CYB5R4: variants seen among roughly 807,000 people sequenced by gnomAD.
CYB5R4 encodes the protein cytochrome b5 reductase 4, also known as N-terminal cytochrome b5 and cytochrome b5 oxidoreductase domain-containing protein.
In CYB5R4, 55 loss-of-function variants were observed where a neutral mutation model predicts 70.2. That is an observed-to-expected ratio of 0.78 (90% CI 0.63 to 0.98). CYB5R4 has a LOEUF of 0.98. CYB5R4 is among the 50% of genes least tolerant of loss of function. The pLI is 0.00. For synonymous variants in CYB5R4, 197 were observed against 199.5 expected, an observed-to-expected ratio of 0.99 and a Z score of 0.11; for missense variants, 562 against 612.6, an observed-to-expected ratio of 0.92 and a Z score of 0.87.
intron 14 of CYB5R4, among the ~76,000 whole-genome samples, chr6:83,942,171 C>T (rs879191760): frequency 6.6e-6 from 1 of 152,132 alleles, no homozygotes; most frequent in South Asian, 2.1e-4. Flanking sequence ...TTAAACTGGT[C>T]GATTCCTGGG....
intron 2 of CYB5R4, among the ~76,000 whole-genome samples, chr6:83,883,444 C>T (rs191676348): frequency 6.6e-6 from 1 of 151,346 alleles, no homozygotes; most frequent in African/African-American, 2.4e-5. Flanking sequence ...CTGCTAAAAG[C>T]TAACAAGGAG....
chr6:83,915,529 C>T (rs757586870), intron 5 of CYB5R4, among the ~76,000 whole-genome samples: 1 of 152,192 alleles, frequency 6.6e-6, no homozygotes, highest in Non-Finnish European at 1.5e-5. Context: ...TACCGATAGA[C>T]TAGGCATTTT....
intron 2 of CYB5R4, among the ~76,000 whole-genome samples, chr6:83,871,045 C>T (rs1470922390): frequency 2.8e-5 from 4 of 141,166 alleles, no homozygotes; most frequent in African/African-American, 8.0e-5. Flanking sequence ...GGCACGATCT[C>T]GGCTCACTGC....
At chr6:83,944,937 T>TA (rs2099470333) in intron 14 of CYB5R4, among the ~76,000 whole-genome samples, 1 of 152,154 alleles carries the variant, frequency 6.6e-6, no homozygotes, top group South Asian at 2.1e-4. Flanking sequence ...AGCAAGTTCT[T>TA]AGAGACCTAC....
chr6:83,869,078 A>G (rs1476867533), intron 2 of CYB5R4, among the ~76,000 whole-genome samples: 3 of 152,214 alleles, frequency 2.0e-5, no homozygotes. Context: ...ATTTCTCCTT[A>G]TGCTGATTGT....
intron 3 of CYB5R4, among the ~76,000 whole-genome samples, chr6:83,908,512 A>C (rs1183590791): frequency 6.6e-6 from 1 of 152,182 alleles, no homozygotes; most frequent in African/African-American, 2.4e-5. Context: ...CAAGGGTCAA[A>C]ATTTAATTAA....
chr6:83,959,896 C>T lies in CYB5R4; in HGVS notation c.*18C>T. On this transcript the variant is annotated 3_prime_UTR_variant, in exon 16 of 16. Transcript: ENST00000369681. ...CAGCATAATGAAGAGCTGTCATTGT[C>T]CTTTATTCAACTAGTTTATCTAAAT... is the stretch of plus-strand genomic sequence containing the variant. The T allele has an allele frequency of 1.9e-6, 3 of 1,569,920 alleles. No homozygotes were observed. Among genetic ancestry groups the T allele is most frequent in the Non-Finnish European group, 2.6e-6 (3 of 1,159,074 alleles).
chr6:83,876,653 T>C (rs558161529), intron 2 of CYB5R4, among the ~76,000 whole-genome samples: 63 of 152,330 alleles, frequency 4.1e-4, no homozygotes, highest in African/African-American at 1.4e-3. Context: ...GTTGTTGTTA[T>C]TCATTTTACT....
At position 83,922,247 on chromosome 6, in the gene CYB5R4, A is replaced by G. The variant is rs114697081; in HGVS notation, c.659-191A>G. ...AGTTAAAAGGGAGAAAAATGAAACA[A>G]TTGAAAATGTATGTATTTAAATGAT... On this transcript the variant is annotated intron_variant, in intron 8 of 15. Coordinates refer to ENST00000369681, the MANE Select transcript of CYB5R4 (RefSeq NM_016230.4). 2.3e-3 allele frequency among the ~76,000 whole-genome samples: 347 copies of G among 152,314 alleles called. 6 individuals are homozygous for G. The highest frequency in any genetic ancestry group is 7.7e-3 in the African/African-American group (320 of 41,580).
At chr6:83,914,868 T>C (rs1452797682) in intron 5 of CYB5R4, among the ~76,000 whole-genome samples, 1 of 150,372 alleles carries the variant, frequency 6.7e-6, no homozygotes, top group Non-Finnish European at 1.5e-5. Context: ...ATATGAAAGA[T>C]AGCTTTACTG....
At chr6:83,900,409 A>G (rs990757662) in intron 3 of CYB5R4, among the ~76,000 whole-genome samples, 2 of 152,100 alleles carry the variant, frequency 1.3e-5, no homozygotes, top group African/African-American at 2.4e-5. Flanking sequence ...TTTTGGAATA[A>G]GTGCGGTGTG....
chr6:83,879,238 G>A (rs2099459073), intron 2 of CYB5R4, among the ~76,000 whole-genome samples: 1 of 152,002 alleles, frequency 6.6e-6, no homozygotes, highest in Non-Finnish European at 1.5e-5. Flanking sequence ...GCTGGACTTT[G>A]CCTTGTATCA....
intron 3 of CYB5R4, among the ~76,000 whole-genome samples, chr6:83,906,427 A>G (rs531494007): frequency 6.6e-6 from 1 of 152,232 alleles, no homozygotes; most frequent in South Asian, 2.1e-4. Flanking sequence ...ACCCAGTGCA[A>G]GCACCCTCCC....
intron 3 of CYB5R4, among the ~76,000 whole-genome samples, chr6:83,894,366 T>C (rs1364357303): frequency 6.6e-6 from 1 of 152,230 alleles, no homozygotes; most frequent in Non-Finnish European, 1.5e-5. Flanking sequence ...TGTTGTAATA[T>C]TGGATTTTTA....
At chr6:83,872,054 T>C (rs1203998618) in intron 2 of CYB5R4, among the ~76,000 whole-genome samples, 4 of 152,332 alleles carry the variant, frequency 2.6e-5, no homozygotes, top group African/African-American at 9.6e-5. Flanking sequence ...ATTTTTTTTC[T>C]TCAGCATTTG....
At chr6:83,924,445 C>G (rs1418237409) in intron 9 of CYB5R4, 25 bp from the exon 10 acceptor site, 2 of 1,608,658 alleles carry the variant, frequency 1.2e-6, no homozygotes, top group Non-Finnish European at 1.7e-6. Flanking sequence ...TCGATGAACA[C>G]AAATGGAATT....
chr6:83,944,762 CA>C (rs528900366), intron 14 of CYB5R4, among the ~76,000 whole-genome samples: 44 of 139,854 alleles, frequency 3.1e-4, no homozygotes, highest in Admixed American at 3.6e-4. Flanking sequence ...CAATGGAAAG[CA>C]AAAAAAAAAG....
chr6:83,862,062 T>C (rs1056416922), intron 1 of CYB5R4, among the ~76,000 whole-genome samples: 2 of 152,240 alleles, frequency 1.3e-5, no homozygotes, highest in African/African-American at 4.8e-5. Context: ...TCACCATATC[T>C]GCCAGTTAAT....
At chr6:83,934,922 C>G (rs1562843136) in intron 11 of CYB5R4, among the ~76,000 whole-genome samples, 187 bp downstream of exon 11, 1 of 152,072 alleles carries the variant, frequency 6.6e-6, no homozygotes, top group African/African-American at 2.4e-5. Context: ...ATAGCTGTAC[C>G]ACATTATCAT....
Sources: gnomAD v4.1 joint callset for allele counts (sites outside exome capture counted in the v4.1 genomes callset) on GRCh38, gnomAD v4.1.1 for gene constraint, MANE v1.5 for transcripts, NCBI Gene and HGNC (gene_info 2026-07-23, HGNC 2026-07-21) for gene names.